The following CNTN4 variants were observed in gnomAD, a reference collection of about 807,000 sequenced individuals.
CNTN4 encodes contactin 4.
A neutral mutation model predicts 122.5 loss-of-function variants in CNTN4; 77 were observed. The ratio of observed to expected loss-of-function variants is 0.63; its 90% CI spans 0.52 to 0.76. The LOEUF is 0.76. CNTN4 is among the 30% of genes least tolerant of loss of function. The pLI, the probability that CNTN4 is intolerant of heterozygous loss-of-function variation, is 0.00. For missense variants in CNTN4, 1,256 were observed against 1,259.1 expected (o/e 1.00, Z 0.04); for synonymous variants, 512 against 447.0 (o/e 1.15, Z -1.83).
chr3:2,941,716 G>T (rs1042112345), intron 13 of CNTN4, among the ~76,000 whole-genome samples: 1 of 152,106 alleles, frequency 6.6e-6, no homozygotes, highest in African/African-American at 2.4e-5. Context: ...TGTGTTCTCT[G>T]TACCATAGCC....
intron 3 of CNTN4, among the ~76,000 whole-genome samples, chr3:2,505,659 T>A (rs886655035): frequency 1.1e-4 from 16 of 152,208 alleles, no homozygotes; most frequent in Non-Finnish European, 7.3e-5. Context: ...TCACCAAGAT[T>A]ACATTAATTT....
chr3:2,896,734 A>G (rs1192080010), intron 10 of CNTN4, among the ~76,000 whole-genome samples: 1 of 152,178 alleles, frequency 6.6e-6, no homozygotes, highest in African/African-American at 2.4e-5. Context: ...TTTGGGAAGC[A>G]TCTATGTATA....
In CNTN4 at chr3:2,755,194, G is replaced by A. The variant is rs541441867; in HGVS notation, c.358+9497G>A. ...TAGCCAATGAGTAAAATGTGCAGTCGATCAGAACAGTAGCTGGGAGTTTGA... is the reference window on the plus strand; with the variant it reads ...TAGCCAATGAGTAAAATGTGCAGTCAATCAGAACAGTAGCTGGGAGTTTGA... On this transcript the variant is annotated intron_variant, in intron 6 of 24. Transcript: ENST00000418658. Among the ~76,000 whole-genome samples, 10 of 152,198 alleles carry A rather than the reference G, an allele frequency of 6.6e-5. No homozygotes were observed. In the South Asian group the frequency reaches 1.9e-3, roughly 28 times the overall value.
chr3:2,132,412 A>G (rs942212336), intron 2 of CNTN4: 2 of 152,198 alleles, frequency 1.3e-5, no homozygotes, highest in Admixed American at 1.3e-4. Context: ...GTTTCCCCGT[A>G]GTTTGTTATC....
intron 4 of CNTN4, among the ~76,000 whole-genome samples, chr3:2,638,559 A>G (rs1444406984): frequency 1.3e-5 from 2 of 152,164 alleles, no homozygotes; most frequent in African/African-American, 2.4e-5. Flanking sequence ...GCAATAATCA[A>G]TAAACTTTGA....
At chr3:2,353,044 G>A (rs1052046274) in intron 3 of CNTN4, among the ~76,000 whole-genome samples, 22 of 152,004 alleles carry the variant, frequency 1.4e-4, no homozygotes, top group African/African-American at 4.8e-4. Flanking sequence ...GTTTGTAAAC[G>A]TGCCAATCAG....
At chr3:2,735,563 G>A (rs1311833527) in intron 4 of CNTN4, among the ~76,000 whole-genome samples, 2 of 152,164 alleles carry the variant, frequency 1.3e-5, no homozygotes, top group Admixed American at 6.5e-5. Context: ...GCGTTACTGA[G>A]TCATCTGTGG....
At chr3:2,736,152 T>G in intron 4 of CNTN4, 63 bp from the exon 5 acceptor site, 1 of 1,506,104 alleles carries the variant, frequency 6.6e-7, no homozygotes, top group Admixed American at 1.7e-5. Context: ...TGTTGTTGTT[T>G]CCTGTTGTTG....
At chr3:2,239,047 AT>A (rs1389682856) in intron 2 of CNTN4, 2 of 151,942 alleles carry the variant, frequency 1.3e-5, no homozygotes, top group Non-Finnish European at 2.9e-5. Context: ...TATTAGAAAA[AT>A]TCTCAATCGT....
intron 2 of CNTN4, among the ~76,000 whole-genome samples, chr3:2,262,583 A>G (rs960311228): frequency 3.3e-5 from 5 of 149,654 alleles, no homozygotes; most frequent in Admixed American, 6.7e-5. Flanking sequence ...TTTGAGGTTC[A>G]CAAATGTGAG....
At chr3:2,754,884 A>C (rs1413559168) in intron 6 of CNTN4, among the ~76,000 whole-genome samples, 2 of 152,202 alleles carry the variant, frequency 1.3e-5, no homozygotes, top group African/African-American at 2.4e-5. Flanking sequence ...CAATTGAATA[A>C]ACAGCAACTG....
intron 6 of CNTN4, among the ~76,000 whole-genome samples, chr3:2,765,375 T>G (rs1466162704): frequency 6.6e-6 from 1 of 152,204 alleles, no homozygotes; most frequent in Admixed American, 6.5e-5. Context: ...ATGCTGATAG[T>G]GCTTTTTTTC....
chr3:2,718,641 G>A (rs1367737164), intron 4 of CNTN4, among the ~76,000 whole-genome samples: 1 of 152,058 alleles, frequency 6.6e-6, no homozygotes, highest in East Asian at 1.9e-4. Flanking sequence ...TGCTTGAAGT[G>A]TATTTTTTAT....
intron 2 of CNTN4, among the ~76,000 whole-genome samples, chr3:2,183,496 C>T (rs374087626): frequency 3.9e-5 from 6 of 151,990 alleles, no homozygotes; most frequent in Admixed American, 2.0e-4. Context: ...AAATTATTCC[C>T]GCTTATTGAC....
chr3:2,189,290 A>G (rs1244604359), intron 2 of CNTN4, among the ~76,000 whole-genome samples: 3 of 152,136 alleles, frequency 2.0e-5, no homozygotes, highest in Non-Finnish European at 4.4e-5. Context: ...GTGAGGAGGT[A>G]GGGAGGAACA....
intron 2 of CNTN4, among the ~76,000 whole-genome samples, chr3:2,119,878 T>C (rs1031329127): frequency 6.6e-6 from 1 of 152,080 alleles, no homozygotes; most frequent in East Asian, 1.9e-4. Flanking sequence ...TTTAAAAAAT[T>C]ATAAACTGTA....
chr3:2,347,170 T>C (rs977394602), intron 3 of CNTN4, among the ~76,000 whole-genome samples: 3 of 152,154 alleles, frequency 2.0e-5, no homozygotes, highest in Non-Finnish European at 4.4e-5. Context: ...CCAAGTGTCA[T>C]GGATTAAAAC....
At chr3:2,129,257 AAAC>A (rs2034329765) in intron 2 of CNTN4, among the ~76,000 whole-genome samples, 1 of 147,014 alleles carries the variant, frequency 6.8e-6, no homozygotes, top group South Asian at 2.4e-4. Context: ...ATGCTTGTCC[AAAC>A]CTGCAAAAAA....
chr3:2,585,793 C>G (rs981917108), intron 4 of CNTN4, among the ~76,000 whole-genome samples: 1 of 144,082 alleles, frequency 6.9e-6, no homozygotes, highest in Non-Finnish European at 1.5e-5. Context: ...ACATATGTAA[C>G]AAACCTGCAC....
Sources: gnomAD v4.1 joint callset for allele counts (sites outside exome capture counted in the v4.1 genomes callset) on GRCh38, gnomAD v4.1.1 for gene constraint, MANE v1.5 for transcripts, NCBI Gene and HGNC (gene_info 2026-07-23, HGNC 2026-07-21) for gene names.